CD1B: variants seen among roughly 807,000 people sequenced by gnomAD.
CD1B encodes the protein T-cell surface glycoprotein CD1b.
In CD1B, 43 loss-of-function variants were observed where a neutral mutation model predicts 39.8. That is an observed-to-expected ratio of 1.08 (90% CI 0.85 to 1.39). CD1B has a LOEUF of 1.39. CD1B is among the 40% of genes most tolerant of loss of function. The pLI is 0.00. For missense variants in CD1B, 495 were observed against 403.8 expected (o/e 1.23, Z -1.94); for synonymous variants, 192 against 152.5 (o/e 1.26, Z -1.91).
downstream of CD1B, among the ~76,000 whole-genome samples, chr1:158,324,173 G>C (rs1025826692): frequency 2.6e-5 from 4 of 152,188 alleles, no homozygotes; most frequent in African/African-American, 9.7e-5. Context: ...TTTGGTTCAA[G>C]ACTCAAGACA....
At chr1:158,319,255 G>A in the CD1B span, among the ~76,000 whole-genome samples, 49,233 of 149,894 alleles carry the variant, frequency 0.33, 8,590 homozygotes, top group African/African-American at 0.47. Flanking sequence ...ATCCTGCAGA[G>A]TGTTTTCCAA....
chr1:158,311,430 C>T, the CD1B span, among the ~76,000 whole-genome samples: 2 of 152,174 alleles, frequency 1.3e-5, no homozygotes, highest in Non-Finnish European at 2.9e-5. Flanking sequence ...ATCTTAATCC[C>T]TTTGGATACG....
chr1:158,320,290 C>G, the CD1B span, among the ~76,000 whole-genome samples: 14 of 152,166 alleles, frequency 9.2e-5, no homozygotes, highest in Non-Finnish European at 1.9e-4. Flanking sequence ...TCTCAGACTG[C>G]GGTGCTAGCA....
At chr1:158,314,660 T>C in the CD1B span, among the ~76,000 whole-genome samples, 3 of 152,206 alleles carry the variant, frequency 2.0e-5, no homozygotes, top group East Asian at 5.8e-4. Flanking sequence ...TATTTTTTTA[T>C]TTTTTTATTA....
chr1:158,299,022 G>A, the CD1B span, among the ~76,000 whole-genome samples: 1 of 152,086 alleles, frequency 6.6e-6, no homozygotes, highest in South Asian at 2.1e-4. Flanking sequence ...TCTCTTGCCT[G>A]ATTGCCCTGG....
intron 3 of CD1B, 100 bp downstream of exon 3, chr1:158,329,752 G>T: frequency 6.4e-7 from 1 of 1,559,148 alleles, no homozygotes; most frequent in South Asian, 1.2e-5. Context: ...TCACTCCTTT[G>T]GGAACCAAAT....
chr1:158,306,777 C>A, the CD1B span, among the ~76,000 whole-genome samples: 1 of 152,206 alleles, frequency 6.6e-6, no homozygotes, highest in Non-Finnish European at 1.5e-5. Flanking sequence ...TAAAGAAATT[C>A]ACTCAAAGCC....
chr1:158,328,353 A>T, intron 5 of CD1B, 96 bp from the exon 6 acceptor site: 1 of 963,936 alleles, frequency 1.0e-6, no homozygotes, highest in Non-Finnish European at 1.6e-6. Context: ...AAGTGAAAGC[A>T]ACCCAAGTGT....
chr1:158,307,459 A>G, the CD1B span, among the ~76,000 whole-genome samples: 3,581 of 152,266 alleles, frequency 0.024, 138 homozygotes, highest in African/African-American at 0.081. Flanking sequence ...ACCAATCAAA[A>G]AAAGTCCAGG....
the CD1B span, among the ~76,000 whole-genome samples, chr1:158,298,780 G>A: frequency 6.6e-6 from 1 of 152,124 alleles, no homozygotes; most frequent in Non-Finnish European, 1.5e-5. Flanking sequence ...TGAAGCGATT[G>A]TGAATGGGAG....
Position 158,331,053 on chromosome 1 carries a change from C to T in CD1B, c.71G>A (p.Gly24Glu). 1.2e-6 allele frequency: 2 copies of T among 1,609,980 alleles called. No individual in the cohort carries two copies. Among genetic ancestry groups the T allele is most frequent in the South Asian group, 1.1e-5 (1 of 90,180 alleles). The change falls in exon 2 of 6, where the codon GGG (glycine) becomes GAG (glutamate). Residue 24 changes from glycine (G) to glutamate (E), a missense_variant. By Grantham distance (98) the Gly-to-Glu change is moderately conservative. Coordinates refer to ENST00000368168, the MANE Select transcript of CD1B (RefSeq NM_001764.3). ...CTGGATAACATGAAAGGAGGTCGGC[C>T]CCTGGAAGGCTGTGAAGAGTGGAAA... ...PGGNSEHAFQ[G>E]PTSFHVIQTS...
At chr1:158,310,088 C>G in the CD1B span, among the ~76,000 whole-genome samples, 3 of 151,970 alleles carry the variant, frequency 2.0e-5, no homozygotes, top group Non-Finnish European at 4.4e-5. Flanking sequence ...GCTACAGTAA[C>G]CAAAACAGCA....
chr1:158,313,722 G>A, the CD1B span, among the ~76,000 whole-genome samples: 20 of 152,060 alleles, frequency 1.3e-4, no homozygotes, highest in African/African-American at 4.6e-4. Context: ...TTTTTTTGGG[G>A]GCAGTTTGAG....
At chr1:158,314,826 T>G in the CD1B span, among the ~76,000 whole-genome samples, 2 of 111,568 alleles carry the variant, frequency 1.8e-5, no homozygotes, top group African/African-American at 3.4e-5. Context: ...CCCACAACAG[T>G]CCCCAGAGTG....
the CD1B span, chr1:158,292,348 T>A: frequency 6.2e-7 from 1 of 1,613,916 alleles, no homozygotes; most frequent in Non-Finnish European, 8.5e-7. Context: ...GCAGGGAAGA[T>A]GTATGTACAC....
chr1:158,302,095 C>G, the CD1B span, among the ~76,000 whole-genome samples: 4 of 152,250 alleles, frequency 2.6e-5, no homozygotes, highest in Admixed American at 2.0e-4. Context: ...CAACCACACT[C>G]TTGCACCACA....
chr1:158,288,095 T>C, the CD1B span, among the ~76,000 whole-genome samples: 2 of 152,240 alleles, frequency 1.3e-5, no homozygotes, highest in African/African-American at 4.8e-5. Context: ...TCTACTATTG[T>C]TTTCTAAAAC....
downstream of CD1B, among the ~76,000 whole-genome samples, chr1:158,326,702 T>C (rs979185124): frequency 6.6e-6 from 1 of 152,188 alleles, no homozygotes; most frequent in African/African-American, 2.4e-5. Context: ...CTAAAATTTA[T>C]TTTAATCATG....
chr1:158,301,724 C>T, the CD1B span, among the ~76,000 whole-genome samples: 1 of 152,012 alleles, frequency 6.6e-6, no homozygotes, highest in Admixed American at 6.6e-5. Context: ...TAACGTTTTT[C>T]CTTCATTTCA....
Sources: gnomAD v4.1 joint callset for allele counts (sites outside exome capture counted in the v4.1 genomes callset) on GRCh38, gnomAD v4.1.1 for gene constraint, MANE v1.5 for transcripts, NCBI Gene and HGNC (gene_info 2026-07-23, HGNC 2026-07-21) for gene names.